FGF12: variants seen among roughly 807,000 people sequenced by gnomAD.
The protein encoded by FGF12 is fibroblast growth factor 12B.
FGF12 carries 14 observed loss-of-function variants against 23.6 expected under a neutral mutation model. The observed-to-expected ratio is 0.59, with a 90% CI of 0.39 to 0.93. The LOEUF (loss-of-function observed/expected upper bound fraction) is 0.93, where lower values mean the gene tolerates loss of function less well. Ranked by LOEUF, FGF12 falls within the 40% of genes least tolerant of loss-of-function variation. FGF12 has a pLI of 0.00. For missense variants in FGF12, 175 were observed against 217.8 expected, an observed-to-expected ratio of 0.80 and a Z score of 1.24; for synonymous variants, 62 against 77.3, an observed-to-expected ratio of 0.80 and a Z score of 1.04.
chr3:192,255,237 A>G (rs1712309063), intron 4 of FGF12, among the ~76,000 whole-genome samples: 1 of 152,074 alleles, frequency 6.6e-6, no homozygotes, highest in African/African-American at 2.4e-5. Flanking sequence ...AAACCTCAAT[A>G]AAAGGTAATT....
chr3:192,703,957 TG>T (rs1427426852), intron 2 of FGF12, among the ~76,000 whole-genome samples: 2 of 152,198 alleles, frequency 1.3e-5, no homozygotes, highest in Admixed American at 1.3e-4. Flanking sequence ...CTCTTGTCTT[TG>T]CCTCCCAAAG....
chr3:192,472,422 A>G (rs1482258025), intron 2 of FGF12, among the ~76,000 whole-genome samples: 1 of 152,138 alleles, frequency 6.6e-6, no homozygotes, highest in African/African-American at 2.4e-5. Context: ...GATACTTGGA[A>G]TGAAACTTAA....
chr3:192,522,814 A>G (rs1257197742), intron 2 of FGF12, among the ~76,000 whole-genome samples: 3 of 152,244 alleles, frequency 2.0e-5, no homozygotes, highest in Non-Finnish European at 4.4e-5. Context: ...AACCATATAA[A>G]AGAATAAATA....
intron 2 of FGF12, among the ~76,000 whole-genome samples, chr3:192,651,761 AT>A (rs1406141826): frequency 6.6e-6 from 1 of 152,200 alleles, no homozygotes; most frequent in Non-Finnish European, 1.5e-5. Flanking sequence ...CTCATGTGTA[AT>A]GCCTTGTTTA....
chr3:192,604,206 G>C (rs1242206085), intron 2 of FGF12, among the ~76,000 whole-genome samples: 1 of 151,984 alleles, frequency 6.6e-6, no homozygotes, highest in Non-Finnish European at 1.5e-5. Context: ...CTGTTATTCT[G>C]TTCTTTTTCA....
At chr3:192,573,360 G>A (rs1429452233) in intron 2 of FGF12, among the ~76,000 whole-genome samples, 1 of 152,124 alleles carries the variant, frequency 6.6e-6, no homozygotes. Context: ...CTGCAACGTT[G>A]TTTTTGGATG....
chr3:192,633,015 C>T (rs555578667), intron 2 of FGF12, among the ~76,000 whole-genome samples: 1 of 152,064 alleles, frequency 6.6e-6, no homozygotes, highest in East Asian at 1.9e-4. Context: ...TCTCTGTGTG[C>T]CCTCTCCTTT....
intron 2 of FGF12, among the ~76,000 whole-genome samples, chr3:192,458,813 G>A (rs996700168): frequency 2.0e-5 from 3 of 152,106 alleles, no homozygotes; most frequent in African/African-American, 7.2e-5. Context: ...GGAATGATAT[G>A]GTTTCGCTGT....
chr3:192,140,043 TTTC>T lies in FGF12; in HGVS notation c.*3963_*3965del, dbSNP rs1713284604. The T allele has an allele frequency of 6.6e-6, 1 of 152,070 alleles. No individual in the cohort carries two copies. The highest frequency in any genetic ancestry group is 1.5e-5 in the Non-Finnish European group (1 of 67,938). The allele number at this position is 152,070 out of a possible 1,614,324, so 9.4% of individuals were successfully genotyped here. A position where few individuals can be genotyped will look rare whatever the true frequency, so the allele number is the denominator to read the frequency against. ...GTGCTTTGATTATTATTCCCACCTGTTTCTTTTTTATTATAAAGTGGCAATTTG... is the reference window on the plus strand; with the variant it reads ...GTGCTTTGATTATTATTCCCACCTGTTTTTTTATTATAAAGTGGCAATTTG... On this transcript the variant is annotated 3_prime_UTR_variant, in exon 6 of 6. Coordinates refer to ENST00000445105, the MANE Select transcript of FGF12 (RefSeq NM_004113.6).
intron 2 of FGF12, among the ~76,000 whole-genome samples, chr3:192,487,774 T>C (rs1723678445): frequency 6.6e-6 from 1 of 152,170 alleles, no homozygotes; most frequent in African/African-American, 2.4e-5. Context: ...CCCTTTACTC[T>C]CATCTGCCTG....
chr3:192,562,267 G>A (rs1014349431), intron 2 of FGF12, among the ~76,000 whole-genome samples: 1 of 152,186 alleles, frequency 6.6e-6, no homozygotes, highest in African/African-American at 2.4e-5. Flanking sequence ...GAAGGGATGT[G>A]AAGAAATTTT....
intron 2 of FGF12, among the ~76,000 whole-genome samples, chr3:192,455,549 C>T (rs887608374): frequency 2.6e-5 from 4 of 152,170 alleles, no homozygotes; most frequent in African/African-American, 9.7e-5. Context: ...AATCTCTACA[C>T]AGTTTATTGT....
intron 4 of FGF12, among the ~76,000 whole-genome samples, chr3:192,325,467 A>G (rs1232612646): frequency 6.6e-6 from 1 of 152,162 alleles, no homozygotes; most frequent in African/African-American, 2.4e-5. Flanking sequence ...GATTCATTTG[A>G]CATTAATAGT....
chr3:192,548,046 A>T (rs953439146), intron 2 of FGF12, among the ~76,000 whole-genome samples: 1 of 152,200 alleles, frequency 6.6e-6, no homozygotes, highest in Admixed American at 6.5e-5. Flanking sequence ...GGATTTGAAA[A>T]TGCCTTTCTT....
At chr3:192,371,451 G>T (rs950630306) in intron 2 of FGF12, among the ~76,000 whole-genome samples, 1 of 152,188 alleles carries the variant, frequency 6.6e-6, no homozygotes, top group Non-Finnish European at 1.5e-5. Flanking sequence ...TTGTGAAATT[G>T]TTTAGATAAC....
chr3:192,286,008 A>G (rs1466029558), intron 4 of FGF12, among the ~76,000 whole-genome samples: 1 of 152,028 alleles, frequency 6.6e-6, no homozygotes, highest in Non-Finnish European at 1.5e-5. Context: ...AATTTATCAA[A>G]CTTAGTCATA....
At chr3:192,362,125 A>G (rs116222870) in intron 2 of FGF12, among the ~76,000 whole-genome samples, 1,841 of 152,282 alleles carry the variant, frequency 0.012, 38 homozygotes, top group Middle Eastern at 0.054. Context: ...GGTGTCAGAA[A>G]TAGAAGAATG....
At position 192,514,860 on chromosome 3, in the gene FGF12, G is replaced by A; in HGVS notation, c.14-154322C>T. On this transcript the variant is annotated intron_variant, in intron 2 of 5. Coordinates refer to ENST00000445105, the MANE Select transcript of FGF12 (RefSeq NM_004113.6). The surrounding 1 kb of genome is among the most constrained non-coding windows in gnomAD (Gnocchi z 4.9). ...GGAAGCCGGGTCCCGAGTCCATCGC[G>A]CGCGCCCAGGTGGAGGGGAGTTTGC... 1.0e-6 allele frequency: 1 copy of A among 985,358 alleles called. No homozygotes were observed. Among genetic ancestry groups the A allele is most frequent in the Non-Finnish European group, 1.2e-6 (1 of 829,914 alleles). 61.0% of individuals were successfully genotyped at this position (985,358 alleles called of 1,614,324 possible). A position where few individuals can be genotyped will look rare whatever the true frequency, so the allele number is the denominator to read the frequency against.
intron 4 of FGF12, among the ~76,000 whole-genome samples, chr3:192,280,788 T>A (rs902272296): frequency 1.3e-5 from 2 of 152,122 alleles, no homozygotes; most frequent in African/African-American, 4.8e-5. Context: ...AACAACAGGA[T>A]AAATAGCAAT....
Sources: allele counts gnomAD v4.1 joint callset (sites outside exome capture counted in the v4.1 genomes callset), GRCh38; gene constraint gnomAD v4.1.1; non-coding constraint Gnocchi (gnomAD v3.1); transcripts MANE v1.5; gene names NCBI Gene and HGNC (gene_info 2026-07-23, HGNC 2026-07-21).